CLTCL1: variants seen among roughly 807,000 people sequenced by gnomAD.
CLTCL1 encodes the protein clathrin heavy chain like 1.
In CLTCL1, 159 loss-of-function variants were observed where a neutral mutation model predicts 190.0. That is an observed-to-expected ratio of 0.84 (90% confidence interval 0.74 to 0.95). CLTCL1 has a LOEUF of 0.95. Ranked by LOEUF, CLTCL1 falls within the 40% of genes least tolerant of loss-of-function variation. CLTCL1 has a pLI of 0.00. For missense variants in CLTCL1, 1,878 were observed against 2,033.4 expected (o/e 0.92, Z 1.47); for synonymous variants, 752 against 769.6 (o/e 0.98, Z 0.38).
At chr22:19,192,783 T>G (rs1261322631) in intron 26 of CLTCL1, among the ~76,000 whole-genome samples, 1 of 152,166 alleles carries the variant, frequency 6.6e-6, no homozygotes, top group East Asian at 1.9e-4. Context: ...CCCGCCACCA[T>G]GGATTCAGAG....
chr22:19,263,491 T>C (rs1033464890), intron 2 of CLTCL1, among the ~76,000 whole-genome samples: 6 of 152,180 alleles, frequency 3.9e-5, no homozygotes, highest in Non-Finnish European at 8.8e-5. Context: ...CTTGGCTCAC[T>C]GCAACCTCTG....
At chr22:19,195,027 C>T (rs986746053) in intron 26 of CLTCL1, among the ~76,000 whole-genome samples, 1 of 152,246 alleles carries the variant, frequency 6.6e-6, no homozygotes, top group Non-Finnish European at 1.5e-5. Context: ...TGAGTCTCAG[C>T]TGTCCTGCTA....
chr22:19,261,095 T>G (rs2086933497), intron 2 of CLTCL1, among the ~76,000 whole-genome samples: 1 of 151,584 alleles, frequency 6.6e-6, no homozygotes, highest in African/African-American at 2.4e-5. Flanking sequence ...ACCTTTCAAG[T>G]CTTATTATTT....
chr22:19,232,543 G>C lies in CLTCL1; in HGVS notation c.1577C>G (p.Pro526Arg), dbSNP rs782321865. ...TCGAGAAAACTGCAGGCCCTGTTCC[G>C]GACTGATCTTCATTACACCCCTCAG... is the stretch of plus-strand genomic sequence containing the variant. ...FLLRGVMKIS[P>R]EQGLQFSRML... Residue 526 changes from proline (P) to arginine (R), a missense_variant, in exon 10 of 33, where the codon CCG becomes CGG. Transcript: ENST00000427926. The C allele has an allele frequency of 6.2e-7, 1 of 1,613,856 alleles. No homozygotes were observed. The highest frequency in any genetic ancestry group is 2.2e-5 in the East Asian group (1 of 44,872).
At chr22:19,256,318 C>T (rs904377033) in intron 2 of CLTCL1, among the ~76,000 whole-genome samples, 3 of 150,084 alleles carry the variant, frequency 2.0e-5, no homozygotes, top group Non-Finnish European at 4.4e-5. Flanking sequence ...CTGCCACACT[C>T]AGCTAATTTT....
In CLTCL1 at chr22:19,196,313, G is replaced by C; in HGVS notation, c.4144C>G (p.Pro1382Ala). Residue 1382 changes from proline (P) to alanine (A), a missense_variant, in exon 26 of 33, where the codon CCC becomes GCC. Transcript: ENST00000427926. ...DNAVLTMMSH[P>A]TEAWKEGQFK... ...TGACCCTCCTTCCAGGCCTCAGTGG[G>C]GTGGCTCATCATGGTGAGCACAGCA... 1 of 1,613,880 alleles carries C rather than the reference G, an allele frequency of 6.2e-7. No individual in the cohort carries two copies. The highest frequency in any genetic ancestry group is 8.5e-7 in the Non-Finnish European group (1 of 1,179,868).
At chr22:19,180,498 C>T (rs1449736105) in intron 31 of CLTCL1, among the ~76,000 whole-genome samples, 1 of 152,178 alleles carries the variant, frequency 6.6e-6, no homozygotes, top group African/African-American at 2.4e-5. Flanking sequence ...CAGTAGTTCA[C>T]AGCTAGGCAG....
chr22:19,209,923 A>G (rs1373765662), intron 20 of CLTCL1, among the ~76,000 whole-genome samples: 2 of 152,026 alleles, frequency 1.3e-5, no homozygotes, highest in Non-Finnish European at 2.9e-5. Context: ...GCTCCTGCTG[A>G]GGAGATGGGG....
At chr22:19,242,473 T>G (rs1183041502) in intron 4 of CLTCL1, among the ~76,000 whole-genome samples, 1 of 152,134 alleles carries the variant, frequency 6.6e-6, no homozygotes, top group Non-Finnish European at 1.5e-5. Context: ...TGTTTGTATT[T>G]TTAGTAGAGA....
Position 19,187,635 on chromosome 22 carries a change from T to G in CLTCL1, c.4528A>C (p.Ile1510Leu), listed in dbSNP as rs782798990. 1.9e-6 allele frequency: 3 copies of G among 1,613,636 alleles called. No individual in the cohort carries two copies. Among genetic ancestry groups the G allele is most frequent in the Non-Finnish European group, 2.5e-6 (3 of 1,179,900 alleles). The change falls in exon 29 of 33, where the codon ATT becomes CTT. Residue 1510 changes from isoleucine to leucine, a missense_variant. Transcript: ENST00000427926. ...TTGCCCTTGTACAGATAGGCCGCAA[T>G]GCACCTGAACTCCATCAGCTGATGC... ...EKHQLMEFRC[I>L]AAYLYKGNNW...
rs185556201 is a variant in CLTCL1 at position 19,247,653 on chromosome 22, T to C, written c.520-4717A>G. ...TCGGCTCACTGCAACCTCTGCATCC[T>C]GGGTTCAGGCGATTCTCCCGCCTCA... On this transcript the variant is annotated intron_variant, in intron 3 of 32. Coordinates refer to ENST00000427926, the MANE Select transcript of CLTCL1 (RefSeq NM_007098.4). Among the ~76,000 whole-genome samples, 267 of 151,440 alleles carry C rather than the reference T, an allele frequency of 1.8e-3. 3 individuals carry two copies. The highest frequency in any genetic ancestry group is 3.8e-3 in the Admixed American group (58 of 15,178).
intron 2 of CLTCL1, among the ~76,000 whole-genome samples, chr22:19,273,900 T>C (rs782730145): frequency 1.1e-4 from 16 of 152,188 alleles, no homozygotes; most frequent in South Asian, 1.0e-3. Context: ...ACTGCAACAG[T>C]AAACCCACCT....
chr22:19,219,935 C>T lies in CLTCL1; in HGVS notation c.2869G>A (p.Ala957Thr). ...GGGTTGGTCTCCTCAAGGACGTGAG[C>T]CCAGAGCTCCGGATCCTTTCTGCAT... is the stretch of plus-strand genomic sequence containing the variant. Reference protein sequence around the residue: ...LVCRKDPELWAHVLEETNPSR... With the variant: ...LVCRKDPELWTHVLEETNPSR... The change falls in exon 18 of 33, where the codon GCT (alanine) becomes ACT (threonine). Residue 957 changes from alanine to threonine, a missense_variant. Physicochemically the swap from Ala to Thr is moderately conservative, Grantham distance 58 (BLOSUM62 0). Coordinates refer to ENST00000427926, the MANE Select transcript of CLTCL1 (RefSeq NM_007098.4). The T allele has an allele frequency of 1.2e-6, 2 of 1,614,030 alleles. No homozygotes were observed. The highest frequency in any genetic ancestry group is 1.7e-6 in the Non-Finnish European group (2 of 1,179,902).
intron 2 of CLTCL1, among the ~76,000 whole-genome samples, chr22:19,271,490 T>C (rs546944750): frequency 8.5e-5 from 13 of 152,292 alleles, no homozygotes; most frequent in African/African-American, 3.1e-4. Context: ...TTTTGTTCTC[T>C]CTCTACTGCT....
chr22:19,260,617 A>G (rs932338472), intron 2 of CLTCL1, among the ~76,000 whole-genome samples: 1 of 151,908 alleles, frequency 6.6e-6, no homozygotes, highest in South Asian at 2.1e-4. Context: ...GTCTCTACTA[A>G]AAATACAAAA....
rs782501755 is a variant in CLTCL1 at position 19,183,422 on chromosome 22, A to G, written c.4795T>C (p.Phe1599Leu). 2 of 1,613,528 alleles carry G rather than the reference A, an allele frequency of 1.2e-6. No homozygotes were observed. Among genetic ancestry groups the G allele is most frequent in the South Asian group, 1.1e-5 (1 of 91,084 alleles). The change falls in exon 30 of 33, where the codon TTC becomes CTC. Residue 1599 changes from phenylalanine (F) to leucine (L), a missense_variant. Physicochemically the swap from Phe to Leu is conservative, Grantham distance 22. Coordinates refer to ENST00000427926, the MANE Select transcript of CLTCL1 (RefSeq NM_007098.4). The stretch of plus-strand genomic sequence containing the variant: ...AGGTACTCCCTCATCACCTGGATGA[A>G]GTAGGGCATGGCCAAGTCCACGAGG... Reference protein sequence around the residue: ...HNLVDLAMPYFIQVMREYLSK... With the variant: ...HNLVDLAMPYLIQVMREYLSK...
chr22:19,234,011 CAAGCA>C (rs2085998675), intron 7 of CLTCL1, among the ~76,000 whole-genome samples: 1 of 152,146 alleles, frequency 6.6e-6, no homozygotes, highest in Non-Finnish European at 1.5e-5. Flanking sequence ...CTTTCAAGGA[CAAGCA>C]ACTTGAAAGT....
At chr22:19,260,523 C>A (rs563834672) in intron 2 of CLTCL1, among the ~76,000 whole-genome samples, 44 of 148,674 alleles carry the variant, frequency 3.0e-4, no homozygotes, top group Non-Finnish European at 4.3e-4. Context: ...CACCTGTAAT[C>A]CCAGCACTTT....
intron 29 of CLTCL1, 53 bp downstream of exon 29, chr22:19,187,505 C>T: frequency 6.4e-7 from 1 of 1,572,214 alleles, no homozygotes; most frequent in Non-Finnish European, 8.7e-7. Context: ...CCAAAGCCAT[C>T]AGGAAACACA....
Sources: gnomAD v4.1 joint callset for allele counts (sites outside exome capture counted in the v4.1 genomes callset) on GRCh38, gnomAD v4.1.1 for gene constraint, MANE v1.5 for transcripts, NCBI Gene and HGNC (gene_info 2026-07-23, HGNC 2026-07-21) for gene names.